The following EPHA3 variants were observed in gnomAD, a reference collection of about 807,000 sequenced individuals.
The protein encoded by EPHA3 is EPH receptor A3, also known as ephrin type-A receptor 3.
EPHA3 carries 42 observed loss-of-function variants against 107.1 expected under a neutral mutation model. That is an observed-to-expected ratio of 0.39 (90% confidence interval 0.31 to 0.51). The LOEUF is 0.51. Ranked by LOEUF, EPHA3 falls within the 20% of genes least tolerant of loss-of-function variation. EPHA3 has a pLI of 0.78. For synonymous variants in EPHA3, 461 were observed against 424.8 expected (o/e 1.09, Z -1.05); for missense variants, 1,183 against 1,211.2 (o/e 0.98, Z 0.35).
chr3:89,355,828 A>T (rs11914664), intron 5 of EPHA3, among the ~76,000 whole-genome samples: 87,729 of 147,462 alleles, frequency 0.59, 28,027 homozygotes, highest in Admixed American at 0.68. Flanking sequence ...ATATATATAT[A>T]TTTTTTATTT....
chr3:89,133,956 C>T (rs186695389), intron 2 of EPHA3, among the ~76,000 whole-genome samples: 240 of 151,948 alleles, frequency 1.6e-3, no homozygotes, highest in African/African-American at 5.6e-3. Flanking sequence ...CTTTTCGTCG[C>T]ACGTTACAAT....
At chr3:89,342,156 G>A (rs1302857438) in intron 5 of EPHA3, 66 bp downstream of exon 5, 2 of 1,422,074 alleles carry the variant, frequency 1.4e-6, no homozygotes, top group African/African-American at 2.9e-5. Flanking sequence ...TTGACTCTGG[G>A]TGGAAAACTG....
intron 2 of EPHA3, among the ~76,000 whole-genome samples, chr3:89,146,553 G>T (rs1704562727): frequency 1.3e-5 from 2 of 151,994 alleles, no homozygotes; most frequent in African/African-American, 4.8e-5. Flanking sequence ...ACCTTTGTCA[G>T]ATAGGTAGAT....
chr3:89,202,968 C>T (rs1372371692), intron 2 of EPHA3, among the ~76,000 whole-genome samples: 1 of 152,072 alleles, frequency 6.6e-6, no homozygotes, highest in Non-Finnish European at 1.5e-5. Context: ...TTCAGGTGAG[C>T]TTCTGTGTAA....
chr3:89,188,993 A>G (rs1271493049), intron 2 of EPHA3, among the ~76,000 whole-genome samples: 1 of 152,216 alleles, frequency 6.6e-6, no homozygotes, highest in Non-Finnish European at 1.5e-5. Context: ...TGAGTTAAAT[A>G]TAAGACTATA....
intron 13 of EPHA3, among the ~76,000 whole-genome samples, chr3:89,443,138 C>A (rs1362733676): frequency 6.6e-6 from 1 of 152,050 alleles, no homozygotes; most frequent in Non-Finnish European, 1.5e-5. Context: ...GGGGTAACGT[C>A]CATGTGTGTA....
chr3:89,160,498 A>G (rs1704905464), intron 2 of EPHA3, among the ~76,000 whole-genome samples: 2 of 151,374 alleles, frequency 1.3e-5, no homozygotes, highest in East Asian at 3.9e-4. Flanking sequence ...ACTGTTCATA[A>G]GTAAATAAAG....
chr3:89,198,607 C>G (rs996595657), intron 2 of EPHA3, among the ~76,000 whole-genome samples: 1 of 152,162 alleles, frequency 6.6e-6, no homozygotes, highest in African/African-American at 2.4e-5. Context: ...AAACAGCTTA[C>G]ATTTCAGAGA....
At chr3:89,149,497 T>C (rs1198392036) in intron 2 of EPHA3, among the ~76,000 whole-genome samples, 3 of 151,994 alleles carry the variant, frequency 2.0e-5, no homozygotes, top group African/African-American at 7.2e-5. Context: ...TTTTTATTAT[T>C]ATTATACTTT....
chr3:89,150,415 A>T (rs1302530648), intron 2 of EPHA3, among the ~76,000 whole-genome samples: 1 of 152,050 alleles, frequency 6.6e-6, no homozygotes, highest in African/African-American at 2.4e-5. Context: ...AATAATGTGC[A>T]TTCGTTATTG....
Position 89,364,670 on chromosome 3 carries a change from T to C in EPHA3, c.1306+22580T>C, listed in dbSNP as rs191054002. ...GCCTCAAAAAGGCAACACTTGTTTT[T>C]CTAGATTTTATGCAAATTTAAGATA... On this transcript the variant is annotated intron_variant, in intron 5 of 16. Transcript: ENST00000336596. Among the ~76,000 whole-genome samples, 19 of 150,698 alleles carry C rather than the reference T, an allele frequency of 1.3e-4. 1 individual carries two copies. In the East Asian group the frequency reaches 3.5e-3, roughly 28 times the overall value.
At chr3:89,243,644 C>T (rs1055239502) in intron 3 of EPHA3, among the ~76,000 whole-genome samples, 5 of 151,946 alleles carry the variant, frequency 3.3e-5, no homozygotes, top group African/African-American at 1.2e-4. Flanking sequence ...CATTGTAGCC[C>T]TTTGTCAGAG....
At chr3:89,439,291 G>A (rs1411556371) in intron 13 of EPHA3, among the ~76,000 whole-genome samples, 1 of 152,154 alleles carries the variant, frequency 6.6e-6, no homozygotes, top group Admixed American at 6.5e-5. Flanking sequence ...TAAATGTCAA[G>A]CTAATAGTAA....
intron 3 of EPHA3, among the ~76,000 whole-genome samples, chr3:89,242,181 G>A (rs1704911952): frequency 6.6e-6 from 1 of 152,144 alleles, no homozygotes; most frequent in Non-Finnish European, 1.5e-5. Context: ...TGTAATATGA[G>A]CTGCTGAGTT....
At chr3:89,219,870 G>A (rs1704327562) in intron 3 of EPHA3, among the ~76,000 whole-genome samples, 1 of 147,812 alleles carries the variant, frequency 6.8e-6, no homozygotes, top group Admixed American at 6.8e-5. Context: ...CACTACGCCC[G>A]GCTAATTTTT....
At chr3:89,153,023 CAT>C (rs996964988) in intron 2 of EPHA3, among the ~76,000 whole-genome samples, 9 of 152,004 alleles carry the variant, frequency 5.9e-5, no homozygotes, top group African/African-American at 2.2e-4. Context: ...AAAACCTAAA[CAT>C]AGATTGCTAC....
intron 5 of EPHA3, among the ~76,000 whole-genome samples, chr3:89,387,999 G>T (rs1708656266): frequency 6.6e-6 from 1 of 151,858 alleles, no homozygotes; most frequent in South Asian, 2.1e-4. Context: ...GGAAATTCTG[G>T]TCAAAATTTA....
chr3:89,371,799 G>T (rs956694598), intron 5 of EPHA3, among the ~76,000 whole-genome samples: 1 of 151,346 alleles, frequency 6.6e-6, no homozygotes, highest in Non-Finnish European at 1.5e-5. Flanking sequence ...TTTTAAGACT[G>T]GATAATTTAT....
At chr3:89,319,375 A>G (rs550051711) in intron 3 of EPHA3, among the ~76,000 whole-genome samples, 37 of 152,074 alleles carry the variant, frequency 2.4e-4, no homozygotes, top group African/African-American at 8.4e-4. Flanking sequence ...ATAATTACCA[A>G]TTTTGTATTA....
Sources: gnomAD v4.1 joint callset for allele counts (sites outside exome capture counted in the v4.1 genomes callset) on GRCh38, gnomAD v4.1.1 for gene constraint, MANE v1.5 for transcripts, NCBI Gene and HGNC (gene_info 2026-07-23, HGNC 2026-07-21) for gene names.